ITGAM: variants seen among roughly 807,000 people sequenced by gnomAD.
The protein encoded by ITGAM is integrin alpha-M.
Under a neutral mutation model 137.5 loss-of-function variants are expected in ITGAM, and 79 were observed. The observed-to-expected ratio is 0.57, with a 90% confidence interval of 0.48 to 0.69. The LOEUF is 0.69. Ranked by LOEUF, ITGAM falls within the 30% of genes least tolerant of loss-of-function variation. The probability of loss-of-function intolerance (pLI) is 0.00; values close to 1 mark genes in which losing one functional copy is unlikely to be tolerated. For missense variants in ITGAM, 1,343 were observed against 1,483.5 expected (o/e 0.91, Z 1.56); for synonymous variants, 583 against 592.3 (o/e 0.98, Z 0.23).
Position 31,260,100 on chromosome 16 carries a change from G to A in ITGAM, c.28+8G>A. On this transcript the variant is annotated splice_region_variant and intron_variant, in intron 1 of 29. Coordinates refer to ENST00000544665, the MANE Select transcript of ITGAM (RefSeq NM_000632.4). ...GAGTCCTTCTGTTAACAGGTGCATG[G>A]GGGTGGGGTGGGGGACTCTGGGTGG... 6.4e-7 allele frequency: 1 copy of A among 1,562,778 alleles called. No homozygotes were observed. Among genetic ancestry groups the A allele is most frequent in the Admixed American group, 1.9e-5 (1 of 54,016 alleles).
intron 12 of ITGAM, among the ~76,000 whole-genome samples, chr16:31,292,941 C>CTAA (rs989398165): frequency 6.6e-6 from 1 of 151,736 alleles, no homozygotes; most frequent in Non-Finnish European, 1.5e-5. Flanking sequence ...TTAACTTTTA[C>CTAA]TAATAGCCAT....
At chr16:31,272,437 A>G (rs1337603641) in intron 7 of ITGAM, among the ~76,000 whole-genome samples, 1,705 of 8,802 alleles carry the variant, frequency 0.19, 105 homozygotes, top group African/African-American at 0.22. Context: ...ATATATATAT[A>G]TATATATATA....
At chr16:31,279,950 T>C (rs888228917) in intron 12 of ITGAM, among the ~76,000 whole-genome samples, 5 of 152,346 alleles carry the variant, frequency 3.3e-5, no homozygotes, top group Non-Finnish European at 7.3e-5. Flanking sequence ...TTCAGCTTTC[T>C]ACATATGGCT....
intron 12 of ITGAM, 57 bp from the exon 13 acceptor site, chr16:31,297,457 C>A (rs888993023): frequency 1.4e-5 from 23 of 1,606,310 alleles, no homozygotes; most frequent in Non-Finnish European, 2.0e-5. Flanking sequence ...AGAGAGAAAA[C>A]CTCCACATCT....
At chr16:31,294,901 A>G (rs989230158) in intron 12 of ITGAM, among the ~76,000 whole-genome samples, 1 of 152,134 alleles carries the variant, frequency 6.6e-6, no homozygotes, top group African/African-American at 2.4e-5. Flanking sequence ...GATTTTGTAT[A>G]TGGTTTGGGA....
intron 23 of ITGAM, chr16:31,328,959 T>C (rs2080544842): frequency 3.6e-6 from 2 of 559,540 alleles, no homozygotes; most frequent in East Asian, 3.1e-5. Context: ...TATTTGTGCG[T>C]GTGTGTGTCT....
intron 12 of ITGAM, among the ~76,000 whole-genome samples, chr16:31,286,981 C>T (rs1266044755): frequency 6.6e-6 from 1 of 152,170 alleles, no homozygotes; most frequent in Non-Finnish European, 1.5e-5. Flanking sequence ...CGAGGGCTCA[C>T]ATTTAAATCT....
chr16:31,328,901 T>C (rs1597042959), intron 23 of ITGAM: 1 of 458,040 alleles, frequency 2.2e-6, no homozygotes, highest in East Asian at 4.3e-5. Context: ...TATTCGTGCA[T>C]GTGTGTGTGT....
chr16:31,302,487 TTTCTTTCCTTC>T (rs2080216394), intron 14 of ITGAM, among the ~76,000 whole-genome samples: 1 of 111,166 alleles, frequency 9.0e-6, no homozygotes, highest in African/African-American at 6.0e-5. Context: ...TTCTTTCTTT[TTTCTTTCCTTC>T]TTTCTTTCTT....
chr16:31,281,467 A>ATAAGTTCCT (rs1257309236), intron 12 of ITGAM, among the ~76,000 whole-genome samples: 165 of 152,256 alleles, frequency 1.1e-3, no homozygotes, highest in African/African-American at 3.8e-3. Flanking sequence ...TGTGTCCAGG[A>ATAAGTTCCT]ACTTATCCAT....
Position 31,282,453 on chromosome 16 carries a change from T to G in ITGAM, c.1356+4344T>G, listed in dbSNP as rs1046037677. 2.0e-4 allele frequency among the ~76,000 whole-genome samples: 30 copies of G among 152,178 alleles called. 1 individual carries two copies. Among genetic ancestry groups the G allele is most frequent in the Non-Finnish European group, 1.2e-4 (8 of 68,026 alleles). ...GATTGTTGGCTCTTCTTGTTGAATTTATCGGTTTACCATTATGTAATGGCC... is the reference window on the plus strand; with the variant it reads ...GATTGTTGGCTCTTCTTGTTGAATTGATCGGTTTACCATTATGTAATGGCC... On this transcript the variant is annotated intron_variant, in intron 12 of 29. Coordinates refer to ENST00000544665, the MANE Select transcript of ITGAM (RefSeq NM_000632.4).
chr16:31,310,196 T>C (rs1435507116), intron 14 of ITGAM, among the ~76,000 whole-genome samples: 4 of 152,084 alleles, frequency 2.6e-5, no homozygotes, highest in Non-Finnish European at 4.4e-5. Flanking sequence ...TCTCGAGGAG[T>C]ATCTTTGTGG....
At chr16:31,269,101 G>T (rs1414378197) in intron 5 of ITGAM, among the ~76,000 whole-genome samples, 1 of 152,134 alleles carries the variant, frequency 6.6e-6, no homozygotes, top group Non-Finnish European at 1.5e-5. Flanking sequence ...CAGTGAGCTG[G>T]GAGTGCTGAT....
Position 31,326,793 on chromosome 16 carries a change from C to T in ITGAM, c.2629-63C>T, listed in dbSNP as rs186766591. On this transcript the variant is annotated intron_variant, in intron 21 of 29. Coordinates refer to ENST00000544665, the MANE Select transcript of ITGAM (RefSeq NM_000632.4). ...TTTCATGTCTCCATTAATCAGATGA[C>T]GGGCATTTGGGTTATTTTTTCTCTC... 5.4e-3 allele frequency: 5,850 copies of T among 1,084,336 alleles called. 40 individuals carry two copies. Among genetic ancestry groups the T allele is most frequent in the Non-Finnish European group, 7.1e-3 (4,960 of 701,926 alleles). 67.2% of individuals were successfully genotyped at this position (1,084,336 alleles called of 1,614,324 possible).
chr16:31,316,326 G>A (rs972914583), intron 14 of ITGAM, among the ~76,000 whole-genome samples: 1 of 150,828 alleles, frequency 6.6e-6, no homozygotes, highest in African/African-American at 2.4e-5. Flanking sequence ...GGAAGAGGTT[G>A]CAGTGAGCCT....
chr16:31,318,949 A>C (rs34767000), intron 14 of ITGAM, among the ~76,000 whole-genome samples: 38,359 of 151,498 alleles, frequency 0.25, 7,950 homozygotes, highest in African/African-American at 0.57. Context: ...TTTCTAATTT[A>C]TTTTTTTATC....
In ITGAM at chr16:31,265,441, G is replaced by A; in HGVS notation, c.181G>A (p.Gly61Ser). 6.2e-7 allele frequency: 1 copy of A among 1,607,848 alleles called. No homozygotes were observed. Among genetic ancestry groups the A allele is most frequent in the Non-Finnish European group, 8.5e-7 (1 of 1,177,596 alleles). Residue 61 changes from glycine to serine, a missense_variant, in exon 3 of 30, where the codon GGC (glycine) becomes AGC (serine). Coordinates refer to ENST00000544665, the MANE Select transcript of ITGAM (RefSeq NM_000632.4). ...PQEIVAANQR[G>S]SLYQCDYSTG... Reference sequence around the variant, plus strand: ...GGAGATAGTGGCTGCCAACCAAAGGGGCAGCCTCTACCAGTGCGACTACAG... The same window carrying A: ...GGAGATAGTGGCTGCCAACCAAAGGAGCAGCCTCTACCAGTGCGACTACAG...
Position 31,276,989 on chromosome 16 carries a change from G to A in ITGAM, c.1153G>A (p.Glu385Lys), listed in dbSNP as rs757357272. ...AGGVFLYTSKEKSTFINMTRV... is the reference protein window; with the variant it reads ...AGGVFLYTSKKKSTFINMTRV... ...TGGAGTCTTTCTATATACATCAAAG[G>A]AGAAAAGCACCTTCATCAACATGAC... The change falls in exon 11 of 30, where the codon GAG (glutamate) becomes AAG (lysine). Residue 385 changes from glutamate (E) to lysine (K), a missense_variant. Coordinates refer to ENST00000544665, the MANE Select transcript of ITGAM (RefSeq NM_000632.4). 1 of 1,613,248 alleles carries A rather than the reference G, an allele frequency of 6.2e-7. No individual in the cohort carries two copies. The highest frequency in any genetic ancestry group is 8.5e-7 in the Non-Finnish European group (1 of 1,179,604).
chr16:31,291,772 G>A (rs2080089541), intron 12 of ITGAM, among the ~76,000 whole-genome samples: 1 of 152,052 alleles, frequency 6.6e-6, no homozygotes, highest in African/African-American at 2.4e-5. Context: ...AGCATGATGG[G>A]TTACTAGAGA....
Sources: gnomAD v4.1 joint callset for allele counts (sites outside exome capture counted in the v4.1 genomes callset) on GRCh38, gnomAD v4.1.1 for gene constraint, MANE v1.5 for transcripts, NCBI Gene and HGNC (gene_info 2026-07-23, HGNC 2026-07-21) for gene names.